PRKCQ: variants seen among roughly 807,000 people sequenced by gnomAD.
The protein encoded by PRKCQ is protein kinase C theta type.
A neutral mutation model predicts 91.2 loss-of-function variants in PRKCQ; 41 were observed. That is an observed-to-expected ratio of 0.45 (90% CI 0.35 to 0.58). The LOEUF is 0.58. Ranked by LOEUF, PRKCQ falls within the 20% of genes least tolerant of loss-of-function variation. The pLI is 0.00. For missense variants in PRKCQ, 673 were observed against 896.5 expected, an observed-to-expected ratio of 0.75 and a Z score of 3.18; for synonymous variants, 307 against 316.9, an observed-to-expected ratio of 0.97 and a Z score of 0.33.
chr10:6,491,261 A>C lies in PRKCQ; in HGVS notation c.790+422T>G, dbSNP rs568306201. On this transcript the variant is annotated intron_variant, in intron 8 of 17. Transcript: ENST00000263125. ...TGCTCCTTGATGAGATGACAGAAAG[A>C]ATCTTACTGGCTGGTGCAAAGGAGA... Among the ~76,000 whole-genome samples, 3 of 152,314 alleles carry C rather than the reference A, an allele frequency of 2.0e-5. No homozygotes were observed. The South Asian group carries it at 6.2e-4, about 32-fold the overall frequency.
intron 13 of PRKCQ, among the ~76,000 whole-genome samples, chr10:6,463,425 G>T (rs1270965916): frequency 6.6e-6 from 1 of 152,166 alleles, no homozygotes; most frequent in South Asian, 2.1e-4. Context: ...AATTCTTTCC[G>T]GCATGAAAAA....
At chr10:6,572,755 G>A (rs1276139198) in intron 1 of PRKCQ, among the ~76,000 whole-genome samples, 1 of 152,126 alleles carries the variant, frequency 6.6e-6, no homozygotes, top group East Asian at 1.9e-4. Context: ...CCCAGTAACA[G>A]GAGTGCTGAG....
intron 1 of PRKCQ, among the ~76,000 whole-genome samples, chr10:6,541,584 T>G (rs1321985837): frequency 6.6e-6 from 1 of 152,190 alleles, no homozygotes; most frequent in Non-Finnish European, 1.5e-5. Flanking sequence ...AATCATGTTC[T>G]CTCACTGGTC....
rs1159086161 is a variant in PRKCQ, at chr10:6,486,906, GAGT to G, written c.791-765_791-763del. ...CGGAGTGTATATGTGGGAAGGGATG[GAGT>G]AGGAGGAGGCTAGCAATGCCAGGAG... On this transcript the variant is annotated intron_variant, in intron 8 of 17. Transcript: ENST00000263125. Among the ~76,000 whole-genome samples the G allele has an allele frequency of 3.9e-4, 60 of 152,336 alleles. 1 individual carries two copies. The highest frequency in any genetic ancestry group is 3.8e-3 in the Admixed American group (58 of 15,302).
intron 1 of PRKCQ, among the ~76,000 whole-genome samples, chr10:6,539,591 G>T (rs1839704962): frequency 6.6e-6 from 1 of 151,952 alleles, no homozygotes; most frequent in South Asian, 2.1e-4. Flanking sequence ...ATGGTGAGTT[G>T]TAATTATTTC....
chr10:6,450,074 C>CACATAACA (rs1564306563), intron 15 of PRKCQ, among the ~76,000 whole-genome samples: 2 of 148,702 alleles, frequency 1.3e-5, no homozygotes, highest in Non-Finnish European at 3.0e-5. Context: ...ATCAAATTCA[C>CACATAACA]ACATAACAAT....
rs1017919488 is a variant in PRKCQ, at chr10:6,464,268, T to C, written c.1445+45A>G. 6 of 1,530,176 alleles carry C rather than the reference T, an allele frequency of 3.9e-6. No individual in the cohort carries two copies. The African/African-American group carries it at 5.6e-5, about 14-fold the overall frequency. The allele number at this position is 1,530,176 out of a possible 1,614,324, so 94.8% of individuals were successfully genotyped here. On this transcript the variant is annotated intron_variant, in intron 13 of 17. Coordinates refer to ENST00000263125, the MANE Select transcript of PRKCQ (RefSeq NM_006257.5). ...AAAGGAAAAAAAAACCAGCAAGAAC[T>C]GACAAGAACAGTGGAAAACTCCCAA...
intron 1 of PRKCQ, among the ~76,000 whole-genome samples, chr10:6,561,446 C>T (rs1840632647): frequency 6.9e-6 from 1 of 144,694 alleles, no homozygotes; most frequent in Non-Finnish European, 1.5e-5. Context: ...TCTTTTTGAA[C>T]TTTTTGGAAT....
chr10:6,469,438 C>T (rs953748816), intron 12 of PRKCQ, among the ~76,000 whole-genome samples: 1 of 152,114 alleles, frequency 6.6e-6, no homozygotes, highest in African/African-American at 2.4e-5. Context: ...AGTTTAGGAA[C>T]AGAGACGACC....
chr10:6,566,237 G>A (rs1278908722), intron 1 of PRKCQ, among the ~76,000 whole-genome samples: 1 of 152,210 alleles, frequency 6.6e-6, no homozygotes, highest in African/African-American at 2.4e-5. Flanking sequence ...TTGTGGGACT[G>A]CACTTCGGTT....
intron 3 of PRKCQ, among the ~76,000 whole-genome samples, chr10:6,509,323 G>A (rs1285098175): frequency 1.3e-5 from 2 of 151,990 alleles, no homozygotes; most frequent in African/African-American, 4.8e-5. Flanking sequence ...CTCACCCTCC[G>A]ACTTATCCTT....
intron 1 of PRKCQ, among the ~76,000 whole-genome samples, chr10:6,559,696 A>G (rs1042092816): frequency 3.9e-5 from 6 of 152,164 alleles, no homozygotes; most frequent in African/African-American, 1.4e-4. Flanking sequence ...TGTGGCAGCA[A>G]GTACAATATC....
At chr10:6,560,537 G>A (rs1221967914) in intron 1 of PRKCQ, among the ~76,000 whole-genome samples, 2 of 152,120 alleles carry the variant, frequency 1.3e-5, no homozygotes, top group South Asian at 2.1e-4. Context: ...CTTTGTCTCC[G>A]CCCCTGAGAT....
intron 7 of PRKCQ, 101 bp from the exon 8 acceptor site, chr10:6,491,913 A>ACG: frequency 6.7e-7 from 1 of 1,500,456 alleles, no homozygotes; most frequent in African/African-American, 1.4e-5. Flanking sequence ...CATAATGAAA[A>ACG]CACTGGCATT....
intron 3 of PRKCQ, among the ~76,000 whole-genome samples, chr10:6,509,959 A>G (rs1838388742): frequency 1.3e-5 from 2 of 152,312 alleles, no homozygotes. Flanking sequence ...TTCCCATTTG[A>G]AACCTGTGAC....
intron 12 of PRKCQ, among the ~76,000 whole-genome samples, chr10:6,468,492 G>T (rs2026431): frequency 0.33 from 50,187 of 152,066 alleles, 8,621 homozygotes; most frequent in East Asian, 0.47. Context: ...ATAAACTCAT[G>T]ATTTTTATCA....
intron 7 of PRKCQ, among the ~76,000 whole-genome samples, chr10:6,493,219 T>A (rs539760452): frequency 1.2e-4 from 18 of 151,936 alleles, no homozygotes; most frequent in African/African-American, 3.9e-4. Context: ...TGAGTTAGAG[T>A]TGAGATGTGC....
intron 3 of PRKCQ, among the ~76,000 whole-genome samples, chr10:6,509,322 C>T (rs778188542): frequency 2.6e-5 from 4 of 152,232 alleles, no homozygotes; most frequent in South Asian, 2.1e-4. Context: ...ACTCACCCTC[C>T]GACTTATCCT....
intron 12 of PRKCQ, among the ~76,000 whole-genome samples, chr10:6,468,059 A>G (rs957976177): frequency 4.6e-5 from 7 of 152,224 alleles, no homozygotes; most frequent in Non-Finnish European, 7.3e-5. Flanking sequence ...TGATGATTAA[A>G]TACAAGATCA....
Sources: gnomAD v4.1 joint callset for allele counts (sites outside exome capture counted in the v4.1 genomes callset) on GRCh38, gnomAD v4.1.1 for gene constraint, MANE v1.5 for transcripts, NCBI Gene and HGNC (gene_info 2026-07-23, HGNC 2026-07-21) for gene names.